CROCC: variants seen among roughly 807,000 people sequenced by gnomAD.
The protein encoded by CROCC is ciliary rootlet coiled-coil, rootletin, also known as rootletin.
Under a neutral mutation model 245.2 loss-of-function variants are expected in CROCC, and 180 were observed. The ratio of observed to expected loss-of-function variants is 0.73; its 90% confidence interval spans 0.65 to 0.83. CROCC has a LOEUF of 0.83. CROCC is among the 40% of genes least tolerant of loss of function. The pLI, the probability that CROCC is intolerant of heterozygous loss-of-function variation, is 0.00. For synonymous variants in CROCC, 1,205 were observed against 1,241.6 expected, an observed-to-expected ratio of 0.97 and a Z score of 0.62; for missense variants, 2,688 against 2,779.4, an observed-to-expected ratio of 0.97 and a Z score of 0.74.
chr1:16,956,250 A>G (rs897005872), intron 25 of CROCC, 94 bp downstream of exon 25: 45 of 1,309,250 alleles, frequency 3.4e-5, no homozygotes, highest in Non-Finnish European at 4.6e-5. Context: ...ACCCCTATGT[A>G]AAACCAGGGG....
chr1:16,969,466 G>A, intron 32 of CROCC, 126 bp downstream of exon 32: 2 of 989,108 alleles, frequency 2.0e-6, no homozygotes, highest in Admixed American at 2.6e-5. Context: ...ATGAGAGCAG[G>A]CTTTGAAGGG....
rs1357283265 is a variant in CROCC at position 16,961,135 on chromosome 1, G to A, written c.4405+5G>A. ...CCCGGGACGCACCCGCAGAAGGTAA[G>A]GGCAGTGCCGCGCGCAGGGAAGGGG... On this transcript the variant is annotated splice_donor_5th_base_variant and intron_variant, in intron 27 of 36. Transcript: ENST00000375541. The A allele has an allele frequency of 2.3e-6, 3 of 1,319,360 alleles. No individual in the cohort carries two copies. Among genetic ancestry groups the A allele is most frequent in the Admixed American group, 4.1e-5 (1 of 24,642 alleles). 81.7% of individuals were successfully genotyped at this position (1,319,360 alleles called of 1,614,324 possible).
At position 16,947,158 on chromosome 1, in the gene CROCC, T is replaced by C. The variant is rs560498973; in HGVS notation, c.2514+167T>C. Among the ~76,000 whole-genome samples, 9 of 152,382 alleles carry C rather than the reference T, an allele frequency of 5.9e-5. No individual in the cohort carries two copies. In the East Asian group the frequency reaches 1.7e-3, roughly 29 times the overall value. ...GGGACCTTGGACAAGCTGCCCAATC[T>C]CCCATACCTCAGTTGCCCCATCTAT... On this transcript the variant is annotated intron_variant, in intron 17 of 36. Coordinates refer to ENST00000375541, the MANE Select transcript of CROCC (RefSeq NM_014675.5).
At chr1:16,942,751 C>T (rs1265803900) in intron 13 of CROCC, among the ~76,000 whole-genome samples, 2 of 152,272 alleles carry the variant, frequency 1.3e-5, no homozygotes, top group African/African-American at 4.8e-5. Flanking sequence ...AGGAGAAGGT[C>T]TTTTTAAGCA....
intron 13 of CROCC, among the ~76,000 whole-genome samples, chr1:16,942,159 C>T (rs549079955): frequency 1.8e-4 from 27 of 152,368 alleles, no homozygotes; most frequent in African/African-American, 6.0e-4. Context: ...TACAGGCACA[C>T]ACCACCACGC....
chr1:16,931,475 C>A, intron 8 of CROCC, 78 bp downstream of exon 8: 2 of 1,338,324 alleles, frequency 1.5e-6, no homozygotes, highest in Non-Finnish European at 2.1e-6. Context: ...AGTTGAATTT[C>A]AGTTCAACTC....
At chr1:16,933,577 T>C (rs1485750169) in intron 8 of CROCC, among the ~76,000 whole-genome samples, 2 of 152,202 alleles carry the variant, frequency 1.3e-5, no homozygotes, top group Admixed American at 1.3e-4. Context: ...TTTTTTTTCT[T>C]TTTTTTTGAG....
At position 16,946,416 on chromosome 1, in the gene CROCC, C is replaced by T; in HGVS notation, c.2283+11C>T. ...CGCCTTGTCGCCCAGGTACGCTGTG[C>T]ACCTGCGGGCCCACCTGCCTTGCCC... On this transcript the variant is annotated intron_variant, in intron 16 of 36. Coordinates refer to ENST00000375541, the MANE Select transcript of CROCC (RefSeq NM_014675.5). 6.2e-7 allele frequency: 1 copy of T among 1,606,848 alleles called. No homozygotes were observed. Among genetic ancestry groups the T allele is most frequent in the Non-Finnish European group, 8.5e-7 (1 of 1,176,736 alleles).
intron 8 of CROCC, among the ~76,000 whole-genome samples, chr1:16,932,360 A>AACTGGG (rs2075696110): frequency 6.6e-6 from 1 of 152,242 alleles, no homozygotes; most frequent in Non-Finnish European, 1.5e-5. Flanking sequence ...GAATTGCTTG[A>AACTGGG]ACCTGGGAGG....
chr1:16,968,083 A>C, intron 30 of CROCC, 120 bp from the exon 31 acceptor site: 1 of 971,814 alleles, frequency 1.0e-6, no homozygotes, highest in East Asian at 2.6e-5. Context: ...GGCCGGCCCC[A>C]GGTCACGTAG....
chr1:16,961,108 T>A lies in CROCC; in HGVS notation c.4383T>A (p.Pro1461=), dbSNP rs1161987454. The A allele has an allele frequency of 2.2e-6, 3 of 1,354,112 alleles. No homozygotes were observed. The highest frequency in any genetic ancestry group is 3.1e-5 in the East Asian group (1 of 31,970). The allele number at this position is 1,354,112 out of a possible 1,614,324, so 83.9% of individuals were successfully genotyped here. A position where few individuals can be genotyped will look rare whatever the true frequency, so the allele number is the denominator to read the frequency against. The change falls in exon 27 of 37, where the codon CCT becomes CCA. Residue 1461 remains proline (P), a synonymous_variant. Transcript: ENST00000375541. ...CCCCGCGGCCAGTGCCCGGTTCCCC[T>A]GCCCGGGACGCACCCGCAGAAGGTA... ...SPAPRPVPGS[P]ARDAPAEGSG...
chr1:16,955,846 A>G (rs2076242107), intron 24 of CROCC, 151 bp from the exon 25 acceptor site: 1 of 994,444 alleles, frequency 1.0e-6, no homozygotes, highest in Non-Finnish European at 1.5e-6. Flanking sequence ...CCTGGGCCCC[A>G]GCCCTGCAGG....
intron 27 of CROCC, 121 bp downstream of exon 27, chr1:16,961,251 C>T: frequency 9.8e-7 from 1 of 1,019,298 alleles, no homozygotes; most frequent in Non-Finnish European, 1.3e-6. Context: ...CCCACCACAC[C>T]TCTCCACTGA....
chr1:16,952,483 T>TA lies in CROCC; in HGVS notation c.3007-804dup, dbSNP rs71006404. ...CTGGGTGACAGAGCAAGACTCCGTC[T>TA]AAAAAAAAAAAAAAAGAAGTGGCAG... On this transcript the variant is annotated intron_variant, in intron 20 of 36. Coordinates refer to ENST00000375541, the MANE Select transcript of CROCC (RefSeq NM_014675.5). 4.5e-3 allele frequency among the ~76,000 whole-genome samples: 610 copies of TA among 135,744 alleles called. 3 individuals carry two copies. Among genetic ancestry groups the TA allele is most frequent in the Middle Eastern group, 0.038 (10 of 262 alleles). 89.1% of individuals were successfully genotyped at this position (135,744 alleles called of 152,430 possible).
At position 16,965,728 on chromosome 1, in the gene CROCC, G is replaced by A. The variant is rs78888579; in HGVS notation, c.4411G>A (p.Gly1471Arg). The change falls in exon 28 of 37, where the codon GGG becomes AGG. Residue 1471 changes from glycine to arginine, a missense_variant. Gly to Arg is a moderately radical substitution (Grantham distance 125). Transcript: ENST00000375541. ...PARDAPAEGSGEGLNSPSTLE... is the reference protein window; with the variant it reads ...PARDAPAEGSREGLNSPSTLE... ...AAGTCTTCTTTCTCTTCTAGGAAGCGGGGAAGGGCTCAACAGCCCCAGCAC... is the reference window on the plus strand; with the variant it reads ...AAGTCTTCTTTCTCTTCTAGGAAGCAGGGAAGGGCTCAACAGCCCCAGCAC... 80,845 of 1,605,736 alleles carry A rather than the reference G, an allele frequency of 0.05. 2,368 individuals carry two copies. The highest frequency in any genetic ancestry group is 0.079 in the African/African-American group (5,890 of 74,782).
intron 16 of CROCC, 38 bp from the exon 17 acceptor site, chr1:16,946,722 CG>C: frequency 1.3e-6 from 2 of 1,537,574 alleles, no homozygotes; most frequent in Non-Finnish European, 1.8e-6. Flanking sequence ...CTGGGAGGGA[CG>C]CCCTGCTCAC....
Position 16,944,085 on chromosome 1 carries a change from C to T in CROCC, c.1809-15C>T, listed in dbSNP as rs1185213272. 2.6e-6 allele frequency: 4 copies of T among 1,532,452 alleles called. No individual in the cohort carries two copies. Among genetic ancestry groups the T allele is most frequent in the Admixed American group, 2.0e-5 (1 of 49,396 alleles). The allele number at this position is 1,532,452 out of a possible 1,614,324, so 94.9% of individuals were successfully genotyped here. A position where few individuals can be genotyped will look rare whatever the true frequency, so the allele number is the denominator to read the frequency against. On this transcript the variant is annotated splice_polypyrimidine_tract_variant and intron_variant, in intron 13 of 36. Coordinates refer to ENST00000375541, the MANE Select transcript of CROCC (RefSeq NM_014675.5). ...CCCCAGCATCCCCTCTGCTCCCCCT[C>T]CCCTTGTCCTGAAGGGAGAAGAGCA...
rs547903726 is a variant in CROCC at position 16,954,667 on chromosome 1, C to T, written c.3322-67C>T. The T allele has an allele frequency of 6.1e-5, 91 of 1,481,796 alleles. No homozygotes were observed. The highest frequency in any genetic ancestry group is 7.0e-5 in the Non-Finnish European group (78 of 1,109,416). 91.8% of individuals were successfully genotyped at this position (1,481,796 alleles called of 1,614,324 possible). ...AGCTAAAAGTGGACAGTGCACTGAG[C>T]GGGTTGGGAGCAGCCCGGGGCTGGG... On this transcript the variant is annotated intron_variant, in intron 22 of 36. Transcript: ENST00000375541. This position sits in a 1 kb window ranked among gnomAD's most constrained non-coding sequence, Gnocchi z 4.4.
At chr1:16,967,034 G>C (rs1156882979) in intron 30 of CROCC, among the ~76,000 whole-genome samples, 1 of 148,632 alleles carries the variant, frequency 6.7e-6, no homozygotes, top group Non-Finnish European at 1.5e-5. Context: ...TAGCAAGGCA[G>C]AGTGAGACCC....
Sources: gnomAD v4.1 joint callset for allele counts (sites outside exome capture counted in the v4.1 genomes callset) on GRCh38, gnomAD v4.1.1 for gene constraint, Gnocchi (gnomAD v3.1) non-coding constraint, MANE v1.5 for transcripts, NCBI Gene and HGNC (gene_info 2026-07-23, HGNC 2026-07-21) for gene names.